The following DNAH11 variants were observed in gnomAD, a reference collection of about 807,000 sequenced individuals.
The protein encoded by DNAH11 is axonemal beta dynein heavy chain 11.
DNAH11 carries 442 observed loss-of-function variants against 526.0 expected under a neutral mutation model. The observed-to-expected ratio is 0.84, with a 90% CI of 0.78 to 0.91. The LOEUF is 0.91. DNAH11 is among the 40% of genes least tolerant of loss of function. The probability of loss-of-function intolerance (pLI) is 0.00; values close to 1 mark genes in which losing one functional copy is unlikely to be tolerated. For missense variants in DNAH11, 6,989 were observed against 5,448.7 expected (o/e 1.28, Z -8.90); for synonymous variants, 2,461 against 1,935.9 (o/e 1.27, Z -7.12).
At position 21,900,930 on chromosome 7, in the gene DNAH11, G is replaced by T. The variant is rs761854523; in HGVS notation, c.13304-77G>T. 77 of 1,392,400 alleles carry T rather than the reference G, an allele frequency of 5.5e-5. No individual in the cohort carries two copies. The African/African-American group carries it at 1.3e-3, about 24-fold the overall frequency. The allele number at this position is 1,392,400 out of a possible 1,614,324, so 86.3% of individuals were successfully genotyped here. A position where few individuals can be genotyped will look rare whatever the true frequency, so the allele number is the denominator to read the frequency against. Reference sequence around the variant, plus strand: ...AAAACCAGAATGTTGAATGTTTATTGCATCAAACAACTTACTTGATCATTA... The same window carrying T: ...AAAACCAGAATGTTGAATGTTTATTTCATCAAACAACTTACTTGATCATTA... On this transcript the variant is annotated intron_variant, in intron 81 of 81. Coordinates refer to ENST00000409508, the MANE Select transcript of DNAH11 (RefSeq NM_001277115.2).
Position 21,619,169 on chromosome 7 carries a change from G to A in DNAH11, c.4324G>A (p.Asp1442Asn), listed in dbSNP as rs1163732842. 12 of 1,613,440 alleles carry A rather than the reference G, an allele frequency of 7.4e-6. No individual in the cohort carries two copies. The East Asian group carries it at 1.6e-4, about 21-fold the overall frequency. ...LLALRLHRVE[D>N]DVRRIVDKAV... The stretch of plus-strand genomic sequence containing the variant: ...AGCACTGCGGTTACACAGAGTGGAA[G>A]ATGATGTCCGAAGGATTGTGGACAA... Residue 1442 changes from aspartate to asparagine, a missense_variant, in exon 24 of 82, where the codon GAT becomes AAT. Transcript: ENST00000409508.
At chr7:21,812,063 A>G (rs1789548686) in intron 63 of DNAH11, among the ~76,000 whole-genome samples, 3 of 152,088 alleles carry the variant, frequency 2.0e-5, no homozygotes, top group South Asian at 4.2e-4. Flanking sequence ...TCCTCCCCCA[A>G]TTCCCCCAAC....
At position 21,658,870 on chromosome 7, in the gene DNAH11, G is replaced by A. The variant is rs1311011457; in HGVS notation, c.5167G>A (p.Val1723Met). The A allele has an allele frequency of 1.9e-6, 3 of 1,607,936 alleles. No individual in the cohort carries two copies. Among genetic ancestry groups the A allele is most frequent in the Non-Finnish European group, 2.5e-6 (3 of 1,177,258 alleles). ...TVRHSITEAI[V>M]AYEEKPRELW... ...GCGTCATTCTATAACAGAAGCCATA[G>A]TGGCCTACGAGGAAAAACCTAGGGA... Residue 1723 changes from valine to methionine, a missense_variant, in exon 30 of 82, where the codon GTG (valine) becomes ATG (methionine). Val to Met is a conservative substitution (Grantham distance 21). Coordinates refer to ENST00000409508, the MANE Select transcript of DNAH11 (RefSeq NM_001277115.2).
chr7:21,844,855 G>A (rs1316316689), intron 66 of DNAH11, among the ~76,000 whole-genome samples: 1 of 152,098 alleles, frequency 6.6e-6, no homozygotes, highest in Non-Finnish European at 1.5e-5. Flanking sequence ...GACAGCCATG[G>A]GATCAAGGCT....
chr7:21,657,047 C>A (rs942453834), intron 29 of DNAH11, among the ~76,000 whole-genome samples: 1 of 152,126 alleles, frequency 6.6e-6, no homozygotes, highest in African/African-American at 2.4e-5. Flanking sequence ...AGCAGGAACC[C>A]TTGATATTGA....
chr7:21,864,750 G>T, intron 70 of DNAH11, 93 bp downstream of exon 70: 2 of 1,227,326 alleles, frequency 1.6e-6, no homozygotes, highest in Non-Finnish European at 2.2e-6. Flanking sequence ...GAATACAGGT[G>T]ATGTATTAAG....
In DNAH11 at chr7:21,561,165, A is replaced by C; in HGVS notation, c.977A>C (p.Glu326Ala). ...PTLKDIFLAV[E>A]NALLEAQDVE... ...CTGAAGGACATTTTTCTGGCTGTGG[A>C]AAATGGTAAGACTCTTGTTCCTCAG... The change falls in exon 5 of 82, where the codon GAA (glutamate) becomes GCA (alanine). Residue 326 changes from glutamate to alanine, a missense_variant. Glu to Ala is a moderately radical substitution (Grantham distance 107). Transcript: ENST00000409508. 3 of 1,587,324 alleles carry C rather than the reference A, an allele frequency of 1.9e-6. No homozygotes were observed. In the South Asian group the frequency reaches 3.5e-5, roughly 18 times the overall value.
At chr7:21,708,584 A>C (rs1260509812) in intron 40 of DNAH11, among the ~76,000 whole-genome samples, 1 of 152,080 alleles carries the variant, frequency 6.6e-6, no homozygotes, top group Non-Finnish European at 1.5e-5. Context: ...TTATAATCCA[A>C]CCTTTTCCAT....
intron 55 of DNAH11, among the ~76,000 whole-genome samples, chr7:21,766,376 C>A (rs988995350): frequency 2.6e-5 from 4 of 152,160 alleles, no homozygotes; most frequent in Non-Finnish European, 4.4e-5. Flanking sequence ...TCCCAGGGAG[C>A]TTTGTCTTCT....
intron 65 of DNAH11, among the ~76,000 whole-genome samples, chr7:21,840,964 C>G (rs1259856128): frequency 6.6e-6 from 1 of 152,094 alleles, no homozygotes; most frequent in Non-Finnish European, 1.5e-5. Flanking sequence ...GGTGGATCAC[C>G]TGAGGTCAGT....
At chr7:21,706,036 A>G (rs1169699986) in intron 39 of DNAH11, among the ~76,000 whole-genome samples, 2 of 152,116 alleles carry the variant, frequency 1.3e-5, no homozygotes, top group Non-Finnish European at 2.9e-5. Flanking sequence ...ACAAACCGAA[A>G]TATTTTCCTT....
intron 29 of DNAH11, among the ~76,000 whole-genome samples, chr7:21,656,895 A>G (rs1478904435): frequency 6.6e-6 from 1 of 152,052 alleles, no homozygotes; most frequent in East Asian, 1.9e-4. Flanking sequence ...GCTTTTTAGG[A>G]TGATATTATA....
At chr7:21,796,355 A>G (rs1788714311) in intron 61 of DNAH11, among the ~76,000 whole-genome samples, 1 of 152,206 alleles carries the variant, frequency 6.6e-6, no homozygotes, top group African/African-American at 2.4e-5. Flanking sequence ...TGGGCACAGG[A>G]GGGATAAATC....
chr7:21,872,953 G>T (rs1262771197), intron 73 of DNAH11, among the ~76,000 whole-genome samples: 1 of 152,138 alleles, frequency 6.6e-6, no homozygotes, highest in Non-Finnish European at 1.5e-5. Context: ...ACAAAGAAAA[G>T]TACTAGGCAA....
intron 30 of DNAH11, among the ~76,000 whole-genome samples, chr7:21,676,401 T>C (rs527974549): frequency 1.3e-5 from 2 of 152,336 alleles, no homozygotes; most frequent in Admixed American, 6.5e-5. Context: ...CATAAACTTA[T>C]ATACAAGTAC....
intron 54 of DNAH11, among the ~76,000 whole-genome samples, chr7:21,755,932 G>T (rs565358218): frequency 5.9e-5 from 9 of 152,062 alleles, no homozygotes; most frequent in Admixed American, 3.3e-4. Context: ...CTTATTGTTG[G>T]TTATAGGAGC....
chr7:21,779,858 CAAAA>C (rs1239097682), intron 57 of DNAH11, among the ~76,000 whole-genome samples: 3 of 151,980 alleles, frequency 2.0e-5, no homozygotes, highest in Admixed American at 6.6e-5. Flanking sequence ...TTATTTTAGA[CAAAA>C]AAGTATAATC....
At chr7:21,687,643 A>G in intron 34 of DNAH11, 116 bp downstream of exon 34, 3 of 1,294,978 alleles carry the variant, frequency 2.3e-6, no homozygotes, top group Non-Finnish European at 3.1e-6. Flanking sequence ...AGATAAAGGA[A>G]GATTCTGGTC....
In DNAH11 at chr7:21,749,940, A is replaced by G. The variant is rs116661210; in HGVS notation, c.8797+139A>G. On this transcript the variant is annotated intron_variant, in intron 53 of 81. Transcript: ENST00000409508. ...TGGGGAGAAACCTATAAACCTAACT[A>G]ATTTGAGGTGTATTGCTTTCTTAGT... 1.1e-3 allele frequency: 1,440 copies of G among 1,335,668 alleles called. 12 individuals are homozygous for G. In the African/African-American group the frequency reaches 0.018, roughly 17 times the overall value. 82.7% of individuals were successfully genotyped at this position (1,335,668 alleles called of 1,614,324 possible). A position where few individuals can be genotyped will look rare whatever the true frequency, so the allele number is the denominator to read the frequency against.
Sources: allele counts gnomAD v4.1 joint callset (sites outside exome capture counted in the v4.1 genomes callset), GRCh38; gene constraint gnomAD v4.1.1; transcripts MANE v1.5; gene names NCBI Gene and HGNC (gene_info 2026-07-23, HGNC 2026-07-21).